Variants in SPTSSB observed in about 807,000 individuals in gnomAD.
SPTSSB encodes the protein androgen down regulated in mouse prostate.
A neutral mutation model predicts 7.7 loss-of-function variants in SPTSSB; 6 were observed. The observed-to-expected ratio is 0.78, with a 90% confidence interval of 0.43 to 1.54. The LOEUF is 1.54. SPTSSB is among the 40% of genes most tolerant of loss of function. The pLI, the probability that SPTSSB is intolerant of heterozygous loss-of-function variation, is 0.01. For missense variants in SPTSSB, 91 were observed against 93.0 expected (o/e 0.98, Z 0.09); for synonymous variants, 28 against 29.7 (o/e 0.94, Z 0.19).
intron 1 of SPTSSB, among the ~76,000 whole-genome samples, chr3:161,369,330 T>TTCTTTCTTTCTTTC (rs1715384746): frequency 9.7e-6 from 1 of 102,922 alleles, no homozygotes; most frequent in Non-Finnish European, 1.9e-5. Flanking sequence ...CTTTCTTTCT[T>TTCTTTCTTTCTTTC]TCTTTCTTTC....
intron 2 of SPTSSB, chr3:161,347,966 A>G (rs1027013875): frequency 6.6e-6 from 1 of 152,222 alleles, no homozygotes; most frequent in Non-Finnish European, 1.5e-5. Context: ...AAGTATTACC[A>G]TGTGGCTCCT....
intron 1 of SPTSSB, among the ~76,000 whole-genome samples, chr3:161,368,552 A>G (rs948675685): frequency 6.7e-6 from 1 of 150,194 alleles, no homozygotes; most frequent in Non-Finnish European, 1.5e-5. Flanking sequence ...TCAGCCTCCC[A>G]AGTAGCTGGG....
chr3:161,353,873 A>G (rs1714652803), intron 2 of SPTSSB, among the ~76,000 whole-genome samples: 1 of 152,060 alleles, frequency 6.6e-6, no homozygotes, highest in South Asian at 2.1e-4. Flanking sequence ...TTGGAGGAGA[A>G]TTTTCTTTTC....
chr3:161,369,244 C>CTCTTTCTT (rs377026665), intron 1 of SPTSSB, among the ~76,000 whole-genome samples: 22 of 151,272 alleles, frequency 1.5e-4, no homozygotes, highest in South Asian at 8.4e-4. Flanking sequence ...TTGCTATTAT[C>CTCTTTCTT]TCTTTCTTTC....
intron 1 of SPTSSB, among the ~76,000 whole-genome samples, chr3:161,370,714 G>T (rs547665800): frequency 6.6e-6 from 1 of 152,286 alleles, no homozygotes; most frequent in South Asian, 2.1e-4. Context: ...TGTGATTGTG[G>T]ACTGGGCTCA....
chr3:161,360,876 T>G (rs1327515201), intron 1 of SPTSSB, among the ~76,000 whole-genome samples: 1 of 152,174 alleles, frequency 6.6e-6, no homozygotes, highest in Non-Finnish European at 1.5e-5. Flanking sequence ...GGCTTCAAGT[T>G]CATTTTAAAC....
At chr3:161,370,161 A>T in intron 1 of SPTSSB, among the ~76,000 whole-genome samples, 1 of 152,224 alleles carries the variant, frequency 6.6e-6, no homozygotes, top group African/African-American at 2.4e-5. Flanking sequence ...CTGTACAATT[A>T]TAAAGGGCAG....
chr3:161,357,124 T>G (rs1714804068), intron 2 of SPTSSB, among the ~76,000 whole-genome samples: 1 of 152,222 alleles, frequency 6.6e-6, no homozygotes, highest in African/African-American at 2.4e-5. Context: ...GCTTGGTTGG[T>G]TATACTGCTG....
chr3:161,368,700 A>T (rs1030284787), intron 1 of SPTSSB, among the ~76,000 whole-genome samples: 1 of 152,156 alleles, frequency 6.6e-6, no homozygotes, highest in Admixed American at 6.5e-5. Context: ...TGCTGGGATT[A>T]CAGGCGTGAG....
At position 161,369,309 on chromosome 3, in the gene SPTSSB, TC is replaced by T. The variant is rs1226192514; in HGVS notation, c.-126+2125del. Among the ~76,000 whole-genome samples the T allele has an allele frequency of 2.0e-3, 102 of 51,588 alleles. 1 individual carries two copies. Among genetic ancestry groups the T allele is most frequent in the African/African-American group, 0.014 (98 of 6,782 alleles). The allele number at this position is 51,588 out of a possible 152,430, so 33.8% of individuals were successfully genotyped here. ...TCTTTTCTTTCTTTCTTTCTTTCTT[TC>T]TTTCTCTTTCTTTCTTTCTTTCTTT... On this transcript the variant is annotated intron_variant, in intron 1 of 2. Coordinates refer to ENST00000620149, the MANE Select transcript of SPTSSB (RefSeq NM_001040100.2).
rs1179129224 is a variant in SPTSSB at position 161,346,471 on chromosome 3, A to C, written c.-32-116T>G. ...AGATTTGTTAAAGATCATTGAATAT[A>C]TTATTAATATATGAATATTCTGTAA... On this transcript the variant is annotated intron_variant, in intron 2 of 2. Transcript: ENST00000620149. 50 of 535,704 alleles carry C rather than the reference A, an allele frequency of 9.3e-5. No individual in the cohort carries two copies. In the East Asian group the frequency reaches 1.4e-3, roughly 15 times the overall value. The allele number at this position is 535,704 out of a possible 1,614,324, so 33.2% of individuals were successfully genotyped here. A position where few individuals can be genotyped will look rare whatever the true frequency, so the allele number is the denominator to read the frequency against.
intron 1 of SPTSSB, among the ~76,000 whole-genome samples, chr3:161,362,264 T>C (rs1715046897): frequency 6.6e-6 from 1 of 152,130 alleles, no homozygotes; most frequent in African/African-American, 2.4e-5. Flanking sequence ...CAGTTTACTA[T>C]TCTTAGAAAA....
intron 1 of SPTSSB, among the ~76,000 whole-genome samples, chr3:161,368,082 A>C (rs1163266002): frequency 1.3e-5 from 2 of 152,262 alleles, no homozygotes; most frequent in African/African-American, 2.4e-5. Context: ...TATGTGAATC[A>C]CATAGCTGTG....
rs137885746 is a variant in SPTSSB, at chr3:161,346,096, A to G, written c.228T>C (p.Asn76=). The G allele has an allele frequency of 9.1e-5, 136 of 1,491,452 alleles. No individual in the cohort carries two copies. Among genetic ancestry groups the G allele is most frequent in the South Asian group, 8.0e-4 (71 of 88,510 alleles). The allele number at this position is 1,491,452 out of a possible 1,614,324, so 92.4% of individuals were successfully genotyped here. A position where few individuals can be genotyped will look rare whatever the true frequency, so the allele number is the denominator to read the frequency against. Residue 76 remains asparagine, a synonymous_variant, in exon 3 of 3, where the codon AAT becomes AAC. Coordinates refer to ENST00000620149, the MANE Select transcript of SPTSSB (RefSeq NM_001040100.2). The part of the protein sequence containing the change: ...KICGYHSTIS[N] ...ATTTCACTGAATGTGAACAGGATCA[A>G]TTAGAAATTGTACTGTGATATCCAC...
At position 161,346,888 on chromosome 3, in the gene SPTSSB, G is replaced by A. The variant is rs150538267; in HGVS notation, c.-32-533C>T. ...TGAGGGGCCACGGAGGGAGAAGGGA[G>A]CAGGGAGTGTGATGACACTGAAGAG... On this transcript the variant is annotated intron_variant, in intron 2 of 2. Coordinates refer to ENST00000620149, the MANE Select transcript of SPTSSB (RefSeq NM_001040100.2). 3.3e-3 allele frequency among the ~76,000 whole-genome samples: 507 copies of A among 152,306 alleles called. 4 individuals are homozygous for A. Among genetic ancestry groups the A allele is most frequent in the African/African-American group, 0.012 (481 of 41,562 alleles).
intron 1 of SPTSSB, among the ~76,000 whole-genome samples, chr3:161,364,544 G>T (rs536487775): frequency 6.6e-6 from 1 of 152,014 alleles, no homozygotes; most frequent in Non-Finnish European, 1.5e-5. Flanking sequence ...ATATGAGGAG[G>T]CACTATGCTA....
At chr3:161,371,081 A>G (rs1715488725) in intron 1 of SPTSSB, among the ~76,000 whole-genome samples, 1 of 152,230 alleles carries the variant, frequency 6.6e-6, no homozygotes, top group Non-Finnish European at 1.5e-5. Flanking sequence ...GCACGGAACT[A>G]GGTAAAGATG....
chr3:161,356,249 T>C (rs1714765803), intron 2 of SPTSSB, among the ~76,000 whole-genome samples: 2 of 152,240 alleles, frequency 1.3e-5, no homozygotes, highest in Admixed American at 6.5e-5. Flanking sequence ...TTCTATGATA[T>C]GCTTAACTGC....
intron 1 of SPTSSB, among the ~76,000 whole-genome samples, chr3:161,361,206 T>C (rs770261217): frequency 2.0e-5 from 3 of 152,122 alleles, no homozygotes; most frequent in Non-Finnish European, 2.9e-5. Context: ...GATTTGGAAC[T>C]GTTGTTTTGT....
Sources: gnomAD v4.1 joint callset for allele counts (sites outside exome capture counted in the v4.1 genomes callset) on GRCh38, gnomAD v4.1.1 for gene constraint, MANE v1.5 for transcripts, NCBI Gene and HGNC (gene_info 2026-07-23, HGNC 2026-07-21) for gene names.